The following PHTF2 variants were observed in gnomAD, a reference collection of about 807,000 sequenced individuals.
PHTF2 encodes the protein putative homeodomain transcription factor 2, also known as protein PHTF2.
Under a neutral mutation model 101.2 loss-of-function variants are expected in PHTF2, and 60 were observed. The observed-to-expected ratio is 0.59, with a 90% confidence interval of 0.48 to 0.73. PHTF2 has a LOEUF of 0.73. Among genes scored for constraint, PHTF2 ranks in the 30% least tolerant of loss-of-function variants. The pLI, the probability that PHTF2 is intolerant of heterozygous loss-of-function variation, is 0.00. For missense variants in PHTF2, 747 were observed against 908.7 expected (o/e 0.82, Z 2.29); for synonymous variants, 311 against 307.3 (o/e 1.01, Z -0.13).
At chr7:77,907,495 C>T (rs1014477462) in intron 7 of PHTF2, among the ~76,000 whole-genome samples, 1 of 151,942 alleles carries the variant, frequency 6.6e-6, no homozygotes, top group Non-Finnish European at 1.5e-5. Context: ...CAAAAAAAAC[C>T]CAGGAAACTA....
At chr7:77,808,215 A>T (rs747250387) in intron 1 of PHTF2, among the ~76,000 whole-genome samples, 1 of 152,192 alleles carries the variant, frequency 6.6e-6, no homozygotes, top group Non-Finnish European at 1.5e-5. Flanking sequence ...TATTTCTGCC[A>T]AAAATGCTCT....
intron 7 of PHTF2, 75 bp downstream of exon 6, chr7:77,901,995 A>T (rs544001124): frequency 1.3e-6 from 1 of 762,296 alleles, no homozygotes; most frequent in Admixed American, 3.3e-5. Context: ...TGTTTTAAAC[A>T]TATGCTAACT....
At chr7:77,852,467 T>C (rs1179632636) in intron 2 of PHTF2, among the ~76,000 whole-genome samples, 2 of 152,254 alleles carry the variant, frequency 1.3e-5, no homozygotes, top group Admixed American at 1.3e-4. Context: ...TAATACCGAT[T>C]GCAAAAACTA....
intron 3 of PHTF2, among the ~76,000 whole-genome samples, chr7:77,875,429 A>G (rs1798846324): frequency 6.6e-6 from 1 of 152,078 alleles, no homozygotes; most frequent in African/African-American, 2.4e-5. Context: ...GTCTATTTCC[A>G]GGCTTGTTAT....
chr7:77,920,433 A>G, exon 10 of PHTF2: 2 of 1,613,388 alleles, frequency 1.2e-6, no homozygotes, highest in Non-Finnish European at 1.7e-6. Context: ...GACAGCCTGG[A>G]ACACAGGAAC....
At chr7:77,929,413 C>G in intron 12 of PHTF2, 86 bp downstream of exon 11, 5 of 677,756 alleles carry the variant, frequency 7.4e-6, no homozygotes, top group Non-Finnish European at 1.0e-5. Context: ...GAAGAAAAAG[C>G]TTACATTCAA....
exon 20 of PHTF2, chr7:77,957,418 A>G (rs1314036556): frequency 2.0e-5 from 3 of 152,242 alleles, no homozygotes; most frequent in Non-Finnish European, 2.9e-5. Flanking sequence ...AAATGATATT[A>G]TATCATTAAT....
In PHTF2 at chr7:77,940,108, G is replaced by C. The variant is rs1805514060; in HGVS notation, c.1546G>C (p.Val516Leu). The change falls in exon 14 of 20, where the codon GTT becomes CTT. Residue 516 changes from valine to leucine, a missense_variant. Physicochemically the swap from Val to Leu is conservative, Grantham distance 32 (BLOSUM62 1). Coordinates refer to ENST00000416283, the Ensembl canonical transcript of PHTF2. ...TCTCATACTGGGTTTAACTCCATTT[G>C]TTTTCCGACTTTCTCAAGCTACAGA... is the stretch of plus-strand genomic sequence containing the variant. 4 of 1,613,624 alleles carry C rather than the reference G, an allele frequency of 2.5e-6. No homozygotes were observed. Among genetic ancestry groups the C allele is most frequent in the Admixed American group, 1.7e-5 (1 of 59,982 alleles).
At chr7:77,913,386 T>A (rs1226682364) in intron 9 of PHTF2, among the ~76,000 whole-genome samples, 11 of 137,586 alleles carry the variant, frequency 8.0e-5, no homozygotes, top group Non-Finnish European at 1.4e-4. Flanking sequence ...AGACTCTGTC[T>A]GAAAAAAAAA....
intron 5 of PHTF2, 101 bp downstream of exon 4, chr7:77,894,094 C>T: frequency 1.1e-6 from 1 of 903,374 alleles, no homozygotes; most frequent in South Asian, 1.3e-5. Flanking sequence ...TTGACTTGGA[C>T]TCGAAAAGAG....
chr7:77,843,972 T>G (rs1159059099), intron 2 of PHTF2, among the ~76,000 whole-genome samples: 10 of 152,178 alleles, frequency 6.6e-5, no homozygotes, highest in Non-Finnish European at 1.3e-4. Flanking sequence ...ATCTTCATTT[T>G]CTTGAATATT....
At chr7:77,882,969 A>G (rs17234640) in intron 3 of PHTF2, among the ~76,000 whole-genome samples, 3,356 of 152,184 alleles carry the variant, frequency 0.022, 51 homozygotes, top group Middle Eastern at 0.068. Context: ...CATGTGTGTA[A>G]TGGACAACTA....
chr7:77,919,723 G>T (rs1262916685), intron 9 of PHTF2, among the ~76,000 whole-genome samples: 2 of 152,090 alleles, frequency 1.3e-5, no homozygotes, highest in East Asian at 3.9e-4. Context: ...GGTGAAAGAG[G>T]TTACTTCTTT....
intron 16 of PHTF2, among the ~76,000 whole-genome samples, chr7:77,943,131 CT>C (rs938878642): frequency 2.0e-5 from 3 of 151,134 alleles, no homozygotes; most frequent in Admixed American, 6.6e-5. Flanking sequence ...TTCTTTCTTT[CT>C]TTTTTTTGAG....
rs116314471 is a variant in PHTF2, at chr7:77,834,584, G to A, written c.-35-5637G>A. Among the ~76,000 whole-genome samples the A allele has an allele frequency of 4.3e-3, 654 of 152,252 alleles. 8 individuals are homozygous for A. Among genetic ancestry groups the A allele is most frequent in the African/African-American group, 0.015 (609 of 41,552 alleles). On this transcript the variant is annotated intron_variant, in intron 1 of 19. Transcript: ENST00000416283. ...TTGCCTACCTCACATGGCTCAGACT[G>A]CTCGGAGCTCTTTTTCTTTTCACAC... is the stretch of plus-strand genomic sequence containing the variant.
At chr7:77,895,433 CAAATAA>C (rs1193728600) in intron 5 of PHTF2, among the ~76,000 whole-genome samples, 1 of 151,934 alleles carries the variant, frequency 6.6e-6, no homozygotes, top group Non-Finnish European at 1.5e-5. Context: ...GATAGTCAAG[CAAATAA>C]AGAGCAGCAG....
At chr7:77,814,208 C>T (rs1793663792) in intron 1 of PHTF2, among the ~76,000 whole-genome samples, 1 of 152,194 alleles carries the variant, frequency 6.6e-6, no homozygotes, top group South Asian at 2.1e-4. Flanking sequence ...GCTGCTAACA[C>T]TGAATTAGCC....
At chr7:77,902,884 G>A (rs916328240) in intron 7 of PHTF2, among the ~76,000 whole-genome samples, 3 of 152,102 alleles carry the variant, frequency 2.0e-5, no homozygotes, top group Non-Finnish European at 4.4e-5. Context: ...ATACATAAAA[G>A]GGTGTGGACT....
chr7:77,938,401 T>C (rs1246919379), intron 13 of PHTF2, among the ~76,000 whole-genome samples: 1 of 152,216 alleles, frequency 6.6e-6, no homozygotes. Context: ...TTTTATTTTC[T>C]ATTATTTCTT....
Sources: allele counts gnomAD v4.1 joint callset (sites outside exome capture counted in the v4.1 genomes callset), GRCh38; gene constraint gnomAD v4.1.1; transcripts MANE v1.5; gene names NCBI Gene and HGNC (gene_info 2026-07-23, HGNC 2026-07-21).